The following DPP10 variants were observed in gnomAD, a reference collection of about 807,000 sequenced individuals.
DPP10 encodes dipeptidyl peptidase like 10.
A neutral mutation model predicts 120.9 loss-of-function variants in DPP10; 33 were observed. The ratio of observed to expected loss-of-function variants is 0.27; its 90% CI spans 0.21 to 0.37. DPP10 has a LOEUF of 0.37. Ranked by LOEUF, DPP10 falls within the 10% of genes least tolerant of loss-of-function variation. The pLI is 1.00. For missense variants in DPP10, 816 were observed against 942.8 expected (o/e 0.87, Z 1.76); for synonymous variants, 337 against 326.1 (o/e 1.03, Z -0.36).
intron 1 of DPP10, among the ~76,000 whole-genome samples, chr2:114,503,308 T>G (rs1410640600): frequency 6.6e-6 from 1 of 152,184 alleles, no homozygotes. Context: ...ATGTTCACCT[T>G]AAAAATGACT....
At chr2:115,259,692 T>C (rs1574201127) in intron 1 of DPP10, among the ~76,000 whole-genome samples, 1 of 152,092 alleles carries the variant, frequency 6.6e-6, no homozygotes, top group African/African-American at 2.4e-5. Context: ...TGCTGCCCTA[T>C]GTACCTAGAC....
At chr2:115,816,704 C>A (rs1174541652) in intron 21 of DPP10, among the ~76,000 whole-genome samples, 1 of 150,032 alleles carries the variant, frequency 6.7e-6, no homozygotes, top group Non-Finnish European at 1.5e-5. Flanking sequence ...GCAACCTCCA[C>A]CTCCCAGGTT....
In DPP10 at chr2:115,139,887, C is replaced by T. The variant is rs192494248; in HGVS notation, c.61-169352C>T. Among the ~76,000 whole-genome samples, 116 of 152,162 alleles carry T rather than the reference C, an allele frequency of 7.6e-4. 4 individuals are homozygous for T. Among genetic ancestry groups the T allele is most frequent in the African/African-American group, 2.6e-3 (110 of 41,520 alleles). On this transcript the variant is annotated intron_variant, in intron 1 of 25. Coordinates refer to ENST00000410059, the MANE Select transcript of DPP10 (RefSeq NM_020868.6). The stretch of plus-strand genomic sequence containing the variant: ...TGTGTGCTTCTTTGCCCCAAACAGT[C>T]ATAGGGCAGAAGGTCTAAGCTTTAG...
intron 2 of DPP10, among the ~76,000 whole-genome samples, chr2:115,341,880 T>C (rs1160720907): frequency 2.0e-5 from 3 of 152,196 alleles, no homozygotes; most frequent in Non-Finnish European, 4.4e-5. Flanking sequence ...ATTTTGGCAA[T>C]TATTAATAAA....
intron 1 of DPP10, among the ~76,000 whole-genome samples, chr2:114,836,701 G>A (rs1280319917): frequency 6.6e-6 from 1 of 152,138 alleles, no homozygotes; most frequent in Non-Finnish European, 1.5e-5. Context: ...GACCAAAAAT[G>A]TATTAGGCGG....
intron 5 of DPP10, among the ~76,000 whole-genome samples, chr2:115,559,255 T>C (rs2149038450): frequency 6.6e-6 from 1 of 152,288 alleles, no homozygotes; most frequent in Non-Finnish European, 1.5e-5. Context: ...ATGAAAGCCA[T>C]ATGAAAGGCA....
chr2:115,804,870 C>T (rs183867118), intron 19 of DPP10, among the ~76,000 whole-genome samples: 2,775 of 152,258 alleles, frequency 0.018, 82 homozygotes, highest in African/African-American at 0.061. Context: ...TTAGGCTACT[C>T]GGGGGTCAGG....
intron 1 of DPP10, among the ~76,000 whole-genome samples, chr2:115,035,119 T>A (rs1704135565): frequency 1.3e-5 from 2 of 152,262 alleles, no homozygotes; most frequent in Non-Finnish European, 2.9e-5. Context: ...AGACTGACCA[T>A]GCCCCGACAT....
intron 1 of DPP10, among the ~76,000 whole-genome samples, chr2:114,843,311 G>A (rs1688304956): frequency 6.6e-6 from 1 of 152,102 alleles, no homozygotes; most frequent in Non-Finnish European, 1.5e-5. Flanking sequence ...GTTTCTACCA[G>A]TGGTCCCCTG....
intron 1 of DPP10, among the ~76,000 whole-genome samples, chr2:114,944,837 A>G (rs569619038): frequency 5.4e-4 from 82 of 152,322 alleles, no homozygotes; most frequent in South Asian, 4.1e-3. Flanking sequence ...CCAGTTTCAT[A>G]ATCAGGAGTT....
At chr2:115,332,845 G>A (rs558927668) in intron 2 of DPP10, among the ~76,000 whole-genome samples, 1 of 152,052 alleles carries the variant, frequency 6.6e-6, no homozygotes, top group Non-Finnish European at 1.5e-5. Flanking sequence ...TTCCTTCCAA[G>A]TATGTGGTCA....
chr2:115,161,980 G>A, intron 1 of DPP10: 1 of 1,411,286 alleles, frequency 7.1e-7, no homozygotes, highest in Non-Finnish European at 9.2e-7. Context: ...AGCAGGAGCC[G>A]CAGCCCACCC....
intron 1 of DPP10, among the ~76,000 whole-genome samples, chr2:114,986,149 T>G (rs747449957): frequency 3.9e-5 from 6 of 152,242 alleles, no homozygotes; most frequent in Non-Finnish European, 8.8e-5. Context: ...CATGTCTTTT[T>G]GGAAGTTAAA....
intron 5 of DPP10, among the ~76,000 whole-genome samples, chr2:115,672,609 A>T (rs1464464929): frequency 1.4e-5 from 2 of 145,878 alleles, no homozygotes. Flanking sequence ...ATTGATTGTC[A>T]TCATGGCGCC....
intron 1 of DPP10, among the ~76,000 whole-genome samples, chr2:115,223,354 A>G (rs919384300): frequency 1.2e-4 from 19 of 152,188 alleles, no homozygotes; most frequent in African/African-American, 4.3e-4. Flanking sequence ...GCTAGGATTC[A>G]TAGGTTTAAT....
Position 115,249,887 on chromosome 2 carries a change from T to G in DPP10, c.61-59352T>G, listed in dbSNP as rs1427821619. ...TCAAATAGTCCTGAATGATGTTAAT[T>G]AGGGCAATTTTGTATTACTATAATT... On this transcript the variant is annotated intron_variant, in intron 1 of 25. Transcript: ENST00000410059. Among the ~76,000 whole-genome samples the G allele has an allele frequency of 2.6e-5, 4 of 152,118 alleles. No homozygotes were observed. The East Asian group carries it at 7.7e-4, about 29-fold the overall frequency.
At chr2:115,096,192 A>AT (rs1709729872) in intron 1 of DPP10, among the ~76,000 whole-genome samples, 1 of 152,186 alleles carries the variant, frequency 6.6e-6, no homozygotes, top group Non-Finnish European at 1.5e-5. Flanking sequence ...TTCTTACAAA[A>AT]TAACTCAACT....
chr2:115,457,848 A>T (rs2073700132), intron 3 of DPP10, among the ~76,000 whole-genome samples: 2 of 152,148 alleles, frequency 1.3e-5, no homozygotes, highest in African/African-American at 4.8e-5. Context: ...GCTATGCAAA[A>T]TCTTGTACAG....
intron 7 of DPP10, among the ~76,000 whole-genome samples, chr2:115,693,087 G>T (rs1191986985): frequency 6.6e-6 from 1 of 152,096 alleles, no homozygotes; most frequent in Non-Finnish European, 1.5e-5. Context: ...AAAAATGTCT[G>T]CAATTGTCCA....
Sources: allele counts gnomAD v4.1 joint callset (sites outside exome capture counted in the v4.1 genomes callset), GRCh38; gene constraint gnomAD v4.1.1; transcripts MANE v1.5; gene names NCBI Gene and HGNC (gene_info 2026-07-23, HGNC 2026-07-21).